PTPRM: variants seen among roughly 807,000 people sequenced by gnomAD.
The protein encoded by PTPRM is protein tyrosine phosphatase receptor type M.
A neutral mutation model predicts 186.7 loss-of-function variants in PTPRM; 47 were observed. That is an observed-to-expected ratio of 0.25 (90% confidence interval 0.20 to 0.32). The LOEUF (loss-of-function observed/expected upper bound fraction) is 0.32. Among genes scored for constraint, PTPRM ranks in the 10% least tolerant of loss-of-function variants. PTPRM has a pLI of 1.00. For missense variants in PTPRM, 1,494 were observed against 1,865.0 expected, an observed-to-expected ratio of 0.80 and a Z score of 3.66; for synonymous variants, 668 against 674.9, an observed-to-expected ratio of 0.99 and a Z score of 0.16.
chr18:8,138,911 G>C (rs576354175), intron 13 of PTPRM, among the ~76,000 whole-genome samples: 2 of 152,148 alleles, frequency 1.3e-5, no homozygotes, highest in Non-Finnish European at 2.9e-5. Flanking sequence ...TGCTCCCTGT[G>C]TCTGTATTCG....
intron 2 of PTPRM, among the ~76,000 whole-genome samples, chr18:7,861,854 C>T (rs1482663717): frequency 1.3e-5 from 2 of 152,010 alleles, no homozygotes; most frequent in African/African-American, 4.8e-5. Context: ...ACTCTCTTAC[C>T]CCCACCCTGC....
intron 20 of PTPRM, among the ~76,000 whole-genome samples, chr18:8,299,273 T>A (rs1258566014): frequency 6.6e-6 from 1 of 152,182 alleles, no homozygotes; most frequent in Non-Finnish European, 1.5e-5. Context: ...ATCCATCTCT[T>A]CATTCAGTAA....
At chr18:8,290,479 G>T (rs910169634) in intron 19 of PTPRM, among the ~76,000 whole-genome samples, 3 of 151,966 alleles carry the variant, frequency 2.0e-5, no homozygotes, top group Admixed American at 2.0e-4. Flanking sequence ...CTTGAGGTGG[G>T]CAACTGAGAT....
intron 1 of PTPRM, among the ~76,000 whole-genome samples, chr18:7,766,122 C>A (rs2042004962): frequency 6.6e-6 from 1 of 152,170 alleles, no homozygotes; most frequent in Admixed American, 6.5e-5. Context: ...TACTTACTTT[C>A]TAGAGCTTGG....
At chr18:8,401,114 G>A (rs2095870140) in intron 32 of PTPRM, among the ~76,000 whole-genome samples, 1 of 151,996 alleles carries the variant, frequency 6.6e-6, no homozygotes, top group South Asian at 2.1e-4. Flanking sequence ...TGGCTCCCAG[G>A]AGTTTCCCAG....
chr18:7,713,753 A>G (rs1252203633), intron 1 of PTPRM, among the ~76,000 whole-genome samples: 1 of 152,144 alleles, frequency 6.6e-6, no homozygotes, highest in African/African-American at 2.4e-5. Flanking sequence ...AACAGACTTT[A>G]AACCAACAAA....
At chr18:8,054,261 C>T (rs2148292860) in intron 7 of PTPRM, among the ~76,000 whole-genome samples, 1 of 140,916 alleles carries the variant, frequency 7.1e-6, no homozygotes, top group African/African-American at 2.8e-5. Context: ...ATTGTCATTA[C>T]TAGTATATAC....
chr18:7,607,616 A>T (rs541176181), intron 1 of PTPRM, among the ~76,000 whole-genome samples: 1 of 152,200 alleles, frequency 6.6e-6, no homozygotes, highest in Non-Finnish European at 1.5e-5. Flanking sequence ...AGTTCTAGTG[A>T]TCTCTTACCA....
In PTPRM at chr18:8,131,947, A is replaced by G. The variant is rs565946583; in HGVS notation, c.2168-11700A>G. Reference sequence around the variant, plus strand: ...TCTGATGAGCTTTTCCATTTGCTCTAGTAAATATCCAAGCAATGCATCACT... The same window carrying G: ...TCTGATGAGCTTTTCCATTTGCTCTGGTAAATATCCAAGCAATGCATCACT... On this transcript the variant is annotated intron_variant, in intron 13 of 32. Coordinates refer to ENST00000580170, the MANE Select transcript of PTPRM (RefSeq NM_001105244.2). Among the ~76,000 whole-genome samples, 277 of 152,364 alleles carry G rather than the reference A, an allele frequency of 1.8e-3. 1 individual carries two copies. The highest frequency in any genetic ancestry group is 5.9e-3 in the African/African-American group (244 of 41,588).
At chr18:7,669,817 G>A (rs1245007054) in intron 1 of PTPRM, among the ~76,000 whole-genome samples, 1 of 152,100 alleles carries the variant, frequency 6.6e-6, no homozygotes, top group Admixed American at 6.6e-5. Flanking sequence ...CCACCTCCTG[G>A]GTTCAAGAGA....
intron 23 of PTPRM, among the ~76,000 whole-genome samples, chr18:8,358,104 T>C (rs67443528): frequency 0.079 from 11,949 of 152,152 alleles, 997 homozygotes; most frequent in African/African-American, 0.21. Context: ...TATTTACACA[T>C]GCACATTTTT....
At chr18:8,208,538 G>T (rs1390828800) in intron 14 of PTPRM, among the ~76,000 whole-genome samples, 1 of 150,450 alleles carries the variant, frequency 6.6e-6, no homozygotes, top group African/African-American at 2.5e-5. Flanking sequence ...TTTAAACAGG[G>T]TCTCACTCTG....
intron 14 of PTPRM, among the ~76,000 whole-genome samples, chr18:8,173,319 C>T (rs947339842): frequency 6.6e-6 from 1 of 152,166 alleles, no homozygotes; most frequent in African/African-American, 2.4e-5. Flanking sequence ...GCTGTTGGAA[C>T]AAGTATTAGC....
At chr18:8,349,875 C>T (rs181106321) in intron 23 of PTPRM, among the ~76,000 whole-genome samples, 3 of 152,348 alleles carry the variant, frequency 2.0e-5, no homozygotes, top group Non-Finnish European at 4.4e-5. Context: ...CCAGTAGCAG[C>T]GTCCCCACTG....
At chr18:7,934,795 G>A (rs576831980) in intron 5 of PTPRM, among the ~76,000 whole-genome samples, 4 of 152,150 alleles carry the variant, frequency 2.6e-5, no homozygotes, top group East Asian at 3.9e-4. Context: ...ACAAGAGCTC[G>A]GATTTGAACC....
intron 3 of PTPRM, among the ~76,000 whole-genome samples, chr18:7,905,673 G>A (rs942059834): frequency 2.0e-5 from 3 of 152,128 alleles, no homozygotes; most frequent in African/African-American, 7.2e-5. Flanking sequence ...CATGTGCCCA[G>A]GACTGAGCCT....
intron 13 of PTPRM, among the ~76,000 whole-genome samples, chr18:8,118,799 CAAA>C (rs71354599): frequency 1.7e-5 from 2 of 119,392 alleles, no homozygotes; most frequent in Admixed American, 8.5e-5. Flanking sequence ...CATTCCATCT[CAAA>C]AAAAAAAAAA....
chr18:7,901,720 C>T (rs1384729583), intron 3 of PTPRM, among the ~76,000 whole-genome samples: 7 of 152,148 alleles, frequency 4.6e-5, no homozygotes, highest in Non-Finnish European at 8.8e-5. Context: ...GGAAATCTCT[C>T]AATGGTTGGG....
At chr18:7,902,744 C>T (rs1223639697) in intron 3 of PTPRM, among the ~76,000 whole-genome samples, 2 of 151,564 alleles carry the variant, frequency 1.3e-5, no homozygotes, top group Non-Finnish European at 2.9e-5. Context: ...TAGCGTAAAA[C>T]TTCTGAGTCA....
Sources: allele counts gnomAD v4.1 joint callset (sites outside exome capture counted in the v4.1 genomes callset), GRCh38; gene constraint gnomAD v4.1.1; transcripts MANE v1.5; gene names NCBI Gene and HGNC (gene_info 2026-07-23, HGNC 2026-07-21).